FBXW10: variants seen among roughly 807,000 people sequenced by gnomAD.
FBXW10 encodes the protein F-box and WD repeat domain containing 10.
In FBXW10, 68 loss-of-function variants were observed where a neutral mutation model predicts 113.1. That is an observed-to-expected ratio of 0.60 (90% CI 0.49 to 0.74). The LOEUF is 0.74. Ranked by LOEUF, FBXW10 falls within the 30% of genes least tolerant of loss-of-function variation. The pLI is 0.00. For synonymous variants in FBXW10, 289 were observed against 481.6 expected, an observed-to-expected ratio of 0.60 and a Z score of 5.24; for missense variants, 753 against 1,284.5, an observed-to-expected ratio of 0.59 and a Z score of 6.32.
intron 11 of FBXW10, among the ~76,000 whole-genome samples, chr17:18,771,530 ATAAAG>A (rs1401914320): frequency 6.6e-6 from 1 of 152,168 alleles, no homozygotes; most frequent in East Asian, 1.9e-4. Context: ...ATCTCACTTT[ATAAAG>A]TATAGATGTT....
intron 11 of FBXW10, 74 bp downstream of exon 11, chr17:18,770,159 T>C: frequency 6.2e-7 from 1 of 1,601,906 alleles, no homozygotes; most frequent in Non-Finnish European, 8.5e-7. Context: ...TCCCCTGGGA[T>C]ACCAGCCCTG....
rs968912399 is a variant in FBXW10, at chr17:18,748,200, A to G, written c.670+95A>G. On this transcript the variant is annotated intron_variant, in intron 2 of 13. Coordinates refer to ENST00000395665, the MANE Select transcript of FBXW10 (RefSeq NM_001267585.2). The stretch of plus-strand genomic sequence containing the variant: ...TTTGGGAGGCCGAGGCAAGCAGATC[A>G]TGAGGTCAGGAGATCGAGACCATCC... 29 of 1,562,276 alleles carry G rather than the reference A, an allele frequency of 1.9e-5. No individual in the cohort carries two copies. The Admixed American group carries it at 5.1e-4, about 28-fold the overall frequency.
At chr17:18,751,074 G>C in intron 5 of FBXW10, 21 bp downstream of exon 5, 1 of 1,613,582 alleles carries the variant, frequency 6.2e-7, no homozygotes, top group East Asian at 2.2e-5. Flanking sequence ...ACAGCATCTG[G>C]GGCAAGTAGC....
Position 18,778,923 on chromosome 17 carries a change from G to A in FBXW10, c.2784G>A (p.Val928=). 6.2e-7 allele frequency: 1 copy of A among 1,613,320 alleles called. No homozygotes were observed. Among genetic ancestry groups the A allele is most frequent in the Non-Finnish European group, 8.5e-7 (1 of 1,179,704 alleles). ...GCAGCTTAAAGGGTGGAGACCAAGTGACCAGTTCAATTGAAAGGGCTGTGT... is the reference window on the plus strand; with the variant it reads ...GCAGCTTAAAGGGTGGAGACCAAGTAACCAGTTCAATTGAAAGGGCTGTGT... ...FSGSLKGGDQ[V]TSSIERAVCS... Residue 928 remains valine (V), a synonymous_variant, in exon 14 of 14, where the codon GTG becomes GTA. Coordinates refer to ENST00000395665, the MANE Select transcript of FBXW10 (RefSeq NM_001267585.2).
chr17:18,763,434 G>A (rs549660866), intron 7 of FBXW10, among the ~76,000 whole-genome samples: 27 of 152,162 alleles, frequency 1.8e-4, no homozygotes, highest in Admixed American at 1.6e-3. Flanking sequence ...GGGATTACAG[G>A]TGTGAGCCAC....
rs536022522 is a variant in FBXW10, at chr17:18,757,610, G to A, written c.1233-695G>A. Among the ~76,000 whole-genome samples, 8 of 152,286 alleles carry A rather than the reference G, an allele frequency of 5.3e-5. No individual in the cohort carries two copies. In the East Asian group the frequency reaches 1.5e-3, roughly 29 times the overall value. On this transcript the variant is annotated intron_variant, in intron 6 of 13. Coordinates refer to ENST00000395665, the MANE Select transcript of FBXW10 (RefSeq NM_001267585.2). ...TACAGGGAGTTATTATTGCGCCCCTGTACTCCAGCCTGGGTGACAGAGCAA... is the reference window on the plus strand; with the variant it reads ...TACAGGGAGTTATTATTGCGCCCCTATACTCCAGCCTGGGTGACAGAGCAA...
intron 9 of FBXW10, among the ~76,000 whole-genome samples, chr17:18,767,276 G>T (rs2151820974): frequency 6.6e-6 from 1 of 152,056 alleles, no homozygotes; most frequent in Admixed American, 6.6e-5. Flanking sequence ...TTCGAGACCA[G>T]CCTGACCAAC....
chr17:18,762,255 C>A (rs1044652390), intron 7 of FBXW10, among the ~76,000 whole-genome samples: 2 of 151,926 alleles, frequency 1.3e-5, no homozygotes, highest in African/African-American at 2.4e-5. Flanking sequence ...AGCTACTGCA[C>A]CTGGCCAATA....
intron 7 of FBXW10, among the ~76,000 whole-genome samples, chr17:18,761,500 C>A (rs1234375519): frequency 5.3e-5 from 8 of 152,032 alleles, no homozygotes; most frequent in Non-Finnish European, 1.2e-4. Context: ...CTCCTGACCT[C>A]GTGATTCGCC....
At position 18,744,521 on chromosome 17, in the gene FBXW10, A is replaced by G. The variant is rs1216772426; in HGVS notation, c.277A>G (p.Asn93Asp). ...TTTCATCTATAACAGGTCCCGGATC[A>G]ACCTCAGCAAGAAAGAGGGGAAAGT... ...KDFIYNRSRI[N>D]LSKKEGKVVK... The change falls in exon 1 of 14, where the codon AAC becomes GAC. Residue 93 changes from asparagine (N) to aspartate (D), a missense_variant. Coordinates refer to ENST00000395665, the MANE Select transcript of FBXW10 (RefSeq NM_001267585.2). 9.9e-6 allele frequency: 16 copies of G among 1,613,876 alleles called. No individual in the cohort carries two copies. Among genetic ancestry groups the G allele is most frequent in the Non-Finnish European group, 1.1e-5 (13 of 1,179,888 alleles).
intron 5 of FBXW10, among the ~76,000 whole-genome samples, chr17:18,753,157 A>G (rs1309464106): frequency 6.6e-6 from 1 of 152,244 alleles, no homozygotes; most frequent in Non-Finnish European, 1.5e-5. Flanking sequence ...TAAAACACAG[A>G]TAAGACATCT....
intron 12 of FBXW10, among the ~76,000 whole-genome samples, chr17:18,774,430 G>A (rs2035668164): frequency 6.6e-6 from 1 of 152,212 alleles, no homozygotes. Context: ...ATGGTGTTTG[G>A]TAGAAAAATA....
At chr17:18,774,592 G>C (rs1448549195) in intron 12 of FBXW10, among the ~76,000 whole-genome samples, 1 of 152,162 alleles carries the variant, frequency 6.6e-6, no homozygotes, top group Non-Finnish European at 1.5e-5. Context: ...TCGGGAGTTT[G>C]AGACCAGCCT....
chr17:18,750,899 AT>A, intron 4 of FBXW10, 31 bp from the exon 5 acceptor site: 3 of 1,603,224 alleles, frequency 1.9e-6, no homozygotes, highest in Non-Finnish European at 2.6e-6. Context: ...TTCTGTTTTT[AT>A]TTTTATTTTT....
intron 7 of FBXW10, among the ~76,000 whole-genome samples, chr17:18,763,217 C>T (rs1189275486): frequency 2.0e-5 from 3 of 150,702 alleles, no homozygotes; most frequent in South Asian, 4.2e-4. Flanking sequence ...AGTGCAGTGG[C>T]GCCATCTCGG....
At chr17:18,757,851 C>T (rs1007656071) in intron 6 of FBXW10, among the ~76,000 whole-genome samples, 1 of 152,208 alleles carries the variant, frequency 6.6e-6, no homozygotes, top group Non-Finnish European at 1.5e-5. Flanking sequence ...CCTGTGGTAT[C>T]TACTAGCACA....
intron 11 of FBXW10, among the ~76,000 whole-genome samples, chr17:18,770,672 G>A (rs1261184789): frequency 6.6e-6 from 1 of 152,066 alleles, no homozygotes; most frequent in African/African-American, 2.4e-5. Context: ...CTTCTGTAAG[G>A]ACCACAGTTC....
rs762433594 is a variant in FBXW10 at position 18,749,968 on chromosome 17, G to A, written c.872-42G>A. 21 of 1,613,818 alleles carry A rather than the reference G, an allele frequency of 1.3e-5. No individual in the cohort carries two copies. In the East Asian group the frequency reaches 4.7e-4, roughly 36 times the overall value. ...GGATTTCCCAGACACCTCCCCTCTT[G>A]GCCCAGTTCTGGGGTTTCTGGGTCC... On this transcript the variant is annotated intron_variant, in intron 3 of 13. Coordinates refer to ENST00000395665, the MANE Select transcript of FBXW10 (RefSeq NM_001267585.2).
chr17:18,778,871 C>A lies in FBXW10; in HGVS notation c.2732C>A (p.Pro911His), dbSNP rs1314154880. The change falls in exon 14 of 14, where the codon CCC becomes CAC. Residue 911 changes from proline (P) to histidine (H), a missense_variant. By Grantham distance (77) the Pro-to-His change is moderately conservative. Coordinates refer to ENST00000395665, the MANE Select transcript of FBXW10 (RefSeq NM_001267585.2). ...AGAGTCCAGTCCACCATACCCCAGC[C>A]CATGATTATCCGCTCCAGGTTCTCT... ...SPRVQSTIPQ[P>H]MIIRSRFSGS... The A allele has an allele frequency of 6.2e-7, 1 of 1,613,818 alleles. No individual in the cohort carries two copies. The highest frequency in any genetic ancestry group is 2.2e-5 in the East Asian group (1 of 44,902).
Sources: allele counts gnomAD v4.1 joint callset (sites outside exome capture counted in the v4.1 genomes callset), GRCh38; gene constraint gnomAD v4.1.1; transcripts MANE v1.5; gene names NCBI Gene and HGNC (gene_info 2026-07-23, HGNC 2026-07-21).